Variants in PEX5L observed in about 807,000 individuals in gnomAD.
The protein encoded by PEX5L is PEX5-related protein.
PEX5L carries 30 observed loss-of-function variants against 84.0 expected under a neutral mutation model. The observed-to-expected ratio is 0.36, with a 90% confidence interval of 0.27 to 0.48. The LOEUF (loss-of-function observed/expected upper bound fraction) is 0.48, where lower values mean the gene tolerates loss of function less well. PEX5L is among the 20% of genes least tolerant of loss of function. The pLI, the probability that PEX5L is intolerant of heterozygous loss-of-function variation, is 0.99. For synonymous variants in PEX5L, 270 were observed against 283.1 expected (o/e 0.95, Z 0.46); for missense variants, 533 against 754.6 (o/e 0.71, Z 3.44).
At chr3:180,008,686 G>T (rs1165648820) in intron 1 of PEX5L, among the ~76,000 whole-genome samples, 2 of 152,140 alleles carry the variant, frequency 1.3e-5, no homozygotes, top group African/African-American at 4.8e-5. Context: ...GGCAGCAAGA[G>T]AAAATGAGGA....
At chr3:179,840,569 GA>G (rs1736863166) in intron 8 of PEX5L, among the ~76,000 whole-genome samples, 2 of 152,144 alleles carry the variant, frequency 1.3e-5, no homozygotes, top group African/African-American at 2.4e-5. Flanking sequence ...GGTGAGAGGG[GA>G]CTCTAAGGGA....
chr3:179,839,841 G>C (rs891038282), intron 8 of PEX5L, among the ~76,000 whole-genome samples: 2 of 152,178 alleles, frequency 1.3e-5, no homozygotes, highest in Non-Finnish European at 2.9e-5. Context: ...ATAATTGTTA[G>C]AATAATTATG....
intron 1 of PEX5L, among the ~76,000 whole-genome samples, chr3:180,011,401 A>G (rs1365904429): frequency 6.6e-6 from 1 of 152,248 alleles, no homozygotes; most frequent in Non-Finnish European, 1.5e-5. Flanking sequence ...AGGGCAGTGC[A>G]AGCCACTGTA....
At chr3:180,000,862 T>C (rs1277904634) in intron 1 of PEX5L, among the ~76,000 whole-genome samples, 1 of 152,204 alleles carries the variant, frequency 6.6e-6, no homozygotes, top group East Asian at 1.9e-4. Context: ...TATTATTGTC[T>C]TTATTGAAGA....
At chr3:179,994,115 G>A (rs780096896) in intron 1 of PEX5L, among the ~76,000 whole-genome samples, 2 of 152,120 alleles carry the variant, frequency 1.3e-5, no homozygotes, top group Admixed American at 6.5e-5. Flanking sequence ...CTCTAATGGT[G>A]GACATTCAGG....
chr3:179,802,550 A>AAAAAAAAAAAAAAG (rs1553813985), intron 14 of PEX5L, among the ~76,000 whole-genome samples: 2 of 131,560 alleles, frequency 1.5e-5, no homozygotes, highest in Non-Finnish European at 3.2e-5. Flanking sequence ...AAAAAAAAAA[A>AAAAAAAAAAAAAAG]AAAAGAAAAG....
chr3:179,820,053 A>C, intron 8 of PEX5L, 77 bp from the exon 9 acceptor site: 3 of 1,591,382 alleles, frequency 1.9e-6, no homozygotes, highest in Non-Finnish European at 2.6e-6. Flanking sequence ...CCCCCCTAAT[A>C]GATAAAAGAG....
At chr3:179,951,476 A>G (rs2109965404) in intron 2 of PEX5L, among the ~76,000 whole-genome samples, 1 of 152,308 alleles carries the variant, frequency 6.6e-6, no homozygotes, top group African/African-American at 2.4e-5. Flanking sequence ...AAAAAAAAGA[A>G]AAAAAGGAAA....
chr3:179,886,416 G>A (rs868206579), intron 4 of PEX5L, among the ~76,000 whole-genome samples: 2 of 152,122 alleles, frequency 1.3e-5, no homozygotes, highest in African/African-American at 4.8e-5. Flanking sequence ...AAAAGTCAAC[G>A]CAATTGAAAA....
intron 2 of PEX5L, among the ~76,000 whole-genome samples, chr3:179,904,830 G>C (rs758489034): frequency 6.6e-6 from 1 of 151,962 alleles, no homozygotes; most frequent in Non-Finnish European, 1.5e-5. Context: ...TCGTCTCCTC[G>C]ACAGTCAGTG....
At chr3:179,848,335 G>A (rs1293332910) in intron 8 of PEX5L, among the ~76,000 whole-genome samples, 1 of 152,058 alleles carries the variant, frequency 6.6e-6, no homozygotes, top group East Asian at 1.9e-4. Context: ...CAGATCACTT[G>A]AGCTCAGGAG....
At chr3:180,021,342 A>T (rs769489470) in intron 1 of PEX5L, among the ~76,000 whole-genome samples, 1 of 152,138 alleles carries the variant, frequency 6.6e-6, no homozygotes, top group Admixed American at 6.5e-5. Flanking sequence ...TATAAGTCAT[A>T]TATTATTGTG....
chr3:179,855,136 C>T (rs1157328209), intron 8 of PEX5L, among the ~76,000 whole-genome samples: 2 of 152,136 alleles, frequency 1.3e-5, no homozygotes, highest in African/African-American at 2.4e-5. Flanking sequence ...ACACCTGGAG[C>T]TCAGTAAGGG....
At chr3:180,007,185 C>T (rs1439429295) in intron 1 of PEX5L, among the ~76,000 whole-genome samples, 1 of 152,150 alleles carries the variant, frequency 6.6e-6, no homozygotes, top group African/African-American at 2.4e-5. Flanking sequence ...ATGGGAGAAA[C>T]TGGCCAAAAC....
At chr3:180,014,921 C>T (rs927041733) in intron 1 of PEX5L, among the ~76,000 whole-genome samples, 2 of 152,174 alleles carry the variant, frequency 1.3e-5, no homozygotes, top group Non-Finnish European at 2.9e-5. Context: ...AAGATGCTTG[C>T]TACATGTAAA....
chr3:179,968,315 A>G (rs778675227), intron 2 of PEX5L, among the ~76,000 whole-genome samples: 1 of 152,132 alleles, frequency 6.6e-6, no homozygotes, highest in Non-Finnish European at 1.5e-5. Flanking sequence ...TAATGTTTTT[A>G]ATCCCTTAAG....
intron 8 of PEX5L, among the ~76,000 whole-genome samples, chr3:179,825,799 G>T (rs1730273825): frequency 6.6e-6 from 1 of 152,328 alleles, no homozygotes; most frequent in South Asian, 2.1e-4. Context: ...TAAGCGTTAA[G>T]CGAAACAATG....
At chr3:179,951,189 C>A (rs573268280) in intron 2 of PEX5L, among the ~76,000 whole-genome samples, 1 of 152,090 alleles carries the variant, frequency 6.6e-6, no homozygotes, top group East Asian at 1.9e-4. Flanking sequence ...GAAAAATGGG[C>A]GATAGATGCT....
chr3:179,968,240 CTTGAG>C (rs1262917077), intron 2 of PEX5L, among the ~76,000 whole-genome samples: 1 of 151,998 alleles, frequency 6.6e-6, no homozygotes, highest in African/African-American at 2.4e-5. Context: ...TATCATAAAC[CTTGAG>C]TTAAGTTGGC....
Sources: gnomAD v4.1 joint callset for allele counts (sites outside exome capture counted in the v4.1 genomes callset) on GRCh38, gnomAD v4.1.1 for gene constraint, MANE v1.5 for transcripts, NCBI Gene and HGNC (gene_info 2026-07-23, HGNC 2026-07-21) for gene names.